CFTR: variants seen among roughly 807,000 people sequenced by gnomAD.
The protein encoded by CFTR is CF transmembrane conductance regulator.
CFTR carries 181 observed loss-of-function variants against 171.6 expected under a neutral mutation model. That is an observed-to-expected ratio of 1.05 (90% confidence interval 0.93 to 1.19). The LOEUF (loss-of-function observed/expected upper bound fraction) is 1.19. Among genes scored for constraint, CFTR ranks in the 50% most tolerant of loss-of-function variants. CFTR has a pLI of 0.00. For missense variants in CFTR, 1,968 were observed against 1,734.7 expected (o/e 1.13, Z -2.39); for synonymous variants, 583 against 608.0 (o/e 0.96, Z 0.60).
rs1034064271 is a variant in CFTR at position 117,552,444 on chromosome 7, T to C, written c.1392+3621T>C. On this transcript the variant is annotated intron_variant, in intron 10 of 26. Coordinates refer to ENST00000003084, the MANE Select transcript of CFTR (RefSeq NM_000492.4). ...ATGAGGTAATTCAGATTTTTTCCCA[T>C]GTAATAAGAATTGTAAAATTTACTG... Among the ~76,000 whole-genome samples the C allele has an allele frequency of 1.4e-4, 22 of 152,196 alleles. 1 individual carries two copies.
intron 15 of CFTR, among the ~76,000 whole-genome samples, chr7:117,600,999 A>G (rs912782509): frequency 1.3e-5 from 2 of 152,080 alleles, no homozygotes; most frequent in African/African-American, 2.4e-5. Flanking sequence ...ATTTTATATT[A>G]TGATGACTAG....
intron 8 of CFTR, among the ~76,000 whole-genome samples, chr7:117,541,614 C>T (rs1016026746): frequency 6.6e-6 from 1 of 151,298 alleles, no homozygotes; most frequent in African/African-American, 2.4e-5. Flanking sequence ...TAATGAGGCC[C>T]TTAATAAGGA....
chr7:117,648,064 T>G (rs1793024758), intron 23 of CFTR, among the ~76,000 whole-genome samples: 1 of 139,218 alleles, frequency 7.2e-6, no homozygotes, highest in South Asian at 2.2e-4. Context: ...TATATATGTA[T>G]ATATGTATAT....
chr7:117,531,308 A>C (rs1017175032), intron 4 of CFTR, among the ~76,000 whole-genome samples, 194 bp downstream of exon 4: 1 of 152,122 alleles, frequency 6.6e-6, no homozygotes, highest in African/African-American at 2.4e-5. Context: ...TAAACTGATA[A>C]TTATTGAGTA....
intron 18 of CFTR, among the ~76,000 whole-genome samples, chr7:117,607,694 G>C (rs1691720397): frequency 6.6e-6 from 1 of 152,120 alleles, no homozygotes; most frequent in Admixed American, 6.5e-5. Flanking sequence ...TAAAACAAAA[G>C]AAGGATTATC....
chr7:117,613,048 G>A (rs1272712764), intron 20 of CFTR, among the ~76,000 whole-genome samples: 1 of 152,076 alleles, frequency 6.6e-6, no homozygotes, highest in Non-Finnish European at 1.5e-5. Context: ...CACCTTTGTT[G>A]TTCTCTCAGC....
intron 21 of CFTR, chr7:117,616,210 C>A (rs769782301): frequency 5.0e-5 from 7 of 140,876 alleles, no homozygotes; most frequent in Non-Finnish European, 9.2e-5. Context: ...ATGATTTATA[C>A]TAAAGTTGGT....
In CFTR at chr7:117,540,178, T is replaced by G. The variant is rs78742051; in HGVS notation, c.948T>G (p.Phe316Leu). Reference sequence around the variant, plus strand: ...CAGCCTTCTTCTTCTCAGGGTTCTTTGTGGTGTTTTTATCTGTGCTTCCCT... The same window carrying G: ...CAGCCTTCTTCTTCTCAGGGTTCTTGGTGGTGTTTTTATCTGTGCTTCCCT... ...NSSAFFFSGF[F>L]VVFLSVLPYA... is the part of the protein sequence containing the mutation. Residue 316 changes from phenylalanine (F) to leucine (L), a missense_variant, in exon 8 of 27, where the codon TTT (phenylalanine) becomes TTG (leucine). Coordinates refer to ENST00000003084, the MANE Select transcript of CFTR (RefSeq NM_000492.4). The G allele has an allele frequency of 5.9e-5, 96 of 1,613,986 alleles. No individual in the cohort carries two copies. The highest frequency in any genetic ancestry group is 7.8e-5 in the Non-Finnish European group (92 of 1,179,960).
chr7:117,499,429 C>CTGTGTT (rs1554375133), intron 1 of CFTR, among the ~76,000 whole-genome samples: 1 of 135,830 alleles, frequency 7.4e-6, no homozygotes, highest in African/African-American at 2.9e-5. Context: ...ATAGTTTCAT[C>CTGTGTT]TGTGTGTGTG....
intron 15 of CFTR, among the ~76,000 whole-genome samples, chr7:117,596,289 G>A (rs988228762): frequency 6.6e-6 from 1 of 152,234 alleles, no homozygotes; most frequent in African/African-American, 2.4e-5. Context: ...TTAGCACCTG[G>A]GCCAGCAGCT....
intron 22 of CFTR, among the ~76,000 whole-genome samples, chr7:117,630,060 A>T (rs916927841): frequency 6.6e-6 from 1 of 152,228 alleles, no homozygotes; most frequent in Non-Finnish European, 1.5e-5. Context: ...CTAAAAGGGA[A>T]AACGTAAGAT....
At chr7:117,637,334 G>T (rs966666493) in intron 22 of CFTR, among the ~76,000 whole-genome samples, 2 of 152,018 alleles carry the variant, frequency 1.3e-5, no homozygotes, top group African/African-American at 4.8e-5. Context: ...GTACTGGTAG[G>T]TGTAGCAGAG....
chr7:117,518,550 T>C (rs1235801427), intron 3 of CFTR, among the ~76,000 whole-genome samples: 1 of 145,278 alleles, frequency 6.9e-6, no homozygotes, highest in Non-Finnish European at 1.5e-5. Context: ...TATATACATA[T>C]AGAAAACATA....
intron 23 of CFTR, among the ~76,000 whole-genome samples, chr7:117,648,550 TTGG>T (rs1191946602): frequency 6.6e-6 from 1 of 152,106 alleles, no homozygotes; most frequent in African/African-American, 2.4e-5. Flanking sequence ...AACTTTCCTA[TTGG>T]TGAAGTTTCT....
chr7:117,497,885 TC>T (rs1798263888), intron 1 of CFTR, among the ~76,000 whole-genome samples: 1 of 152,112 alleles, frequency 6.6e-6, no homozygotes, highest in Non-Finnish European at 1.5e-5. Context: ...AAGAATTCTT[TC>T]CTTCCAAAGT....
intron 25 of CFTR, 37 bp from the exon 26 acceptor site, chr7:117,665,422 C>T (rs1291281966): frequency 1.7e-6 from 2 of 1,152,654 alleles, no homozygotes; most frequent in African/African-American, 3.0e-5. Context: ...CATTACTGTT[C>T]TGTGATATTA....
intron 3 of CFTR, among the ~76,000 whole-genome samples, chr7:117,510,543 C>T (rs779714939): frequency 1.3e-5 from 2 of 152,178 alleles, no homozygotes; most frequent in Non-Finnish European, 2.9e-5. Context: ...TTGTGTTCTC[C>T]ATTGCATGCT....
intron 15 of CFTR, 89 bp downstream of exon 15, chr7:117,595,147 A>G: frequency 1.0e-6 from 1 of 995,744 alleles, no homozygotes; most frequent in Non-Finnish European, 1.6e-6. Flanking sequence ...ACACACATAA[A>G]TATGTATATA....
intron 1 of CFTR, among the ~76,000 whole-genome samples, chr7:117,488,697 TAAA>T (rs1798111346): frequency 6.6e-6 from 1 of 152,064 alleles, no homozygotes; most frequent in Non-Finnish European, 1.5e-5. Flanking sequence ...GCAGTGACAA[TAAA>T]AGATAATAAC....
Sources: allele counts gnomAD v4.1 joint callset (sites outside exome capture counted in the v4.1 genomes callset), GRCh38; gene constraint gnomAD v4.1.1; transcripts MANE v1.5; gene names NCBI Gene and HGNC (gene_info 2026-07-23, HGNC 2026-07-21).